GPBP1: variants seen among roughly 807,000 people sequenced by gnomAD.
GPBP1 encodes the protein vasculin.
In GPBP1, 13 loss-of-function variants were observed where a neutral mutation model predicts 56.5. The observed-to-expected ratio is 0.23, with a 90% CI of 0.15 to 0.37. The LOEUF is 0.37. Ranked by LOEUF, GPBP1 falls within the 10% of genes least tolerant of loss-of-function variation. The pLI, the probability that GPBP1 is intolerant of heterozygous loss-of-function variation, is 1.00. For missense variants in GPBP1, 477 were observed against 572.3 expected, an observed-to-expected ratio of 0.83 and a Z score of 1.70; for synonymous variants, 204 against 188.9, an observed-to-expected ratio of 1.08 and a Z score of -0.66.
chr5:57,248,458 C>T (rs1321113786), intron 8 of GPBP1, among the ~76,000 whole-genome samples: 3 of 131,598 alleles, frequency 2.3e-5, no homozygotes, highest in African/African-American at 8.6e-5. Context: ...GACGGAGTCT[C>T]GCTCTGTCGC....
At chr5:57,251,188 A>T in intron 10 of GPBP1, 47 bp downstream of exon 10, 1 of 1,448,564 alleles carries the variant, frequency 6.9e-7, no homozygotes, top group Non-Finnish European at 9.4e-7. Flanking sequence ...TGTATTCGAG[A>T]TTTCAATATT....
intron 2 of GPBP1, among the ~76,000 whole-genome samples, chr5:57,187,237 C>T (rs368306140): frequency 1.3e-5 from 2 of 152,056 alleles, no homozygotes; most frequent in African/African-American, 4.8e-5. Flanking sequence ...ATCTTGAATT[C>T]GTATGTCAAT....
In GPBP1 at chr5:57,256,185, G is replaced by A. The variant is rs572451782; in HGVS notation, c.1161-4995G>A. Among the ~76,000 whole-genome samples the A allele has an allele frequency of 1.4e-3, 212 of 152,228 alleles. 1 individual carries two copies. The highest frequency in any genetic ancestry group is 1.2e-3 in the Non-Finnish European group (83 of 68,014). On this transcript the variant is annotated intron_variant, in intron 10 of 11. Transcript: ENST00000506184. The stretch of plus-strand genomic sequence containing the variant: ...GCACAAGAATCTCTGGAACCTAGGA[G>A]GTGAGGTGGCAGTGAGCTGAGATCG...
At chr5:57,247,016 T>C in intron 7 of GPBP1, 59 bp from the exon 8 acceptor site, 1 of 1,505,564 alleles carries the variant, frequency 6.6e-7, no homozygotes, top group South Asian at 1.2e-5. Context: ...TTCACTGTTT[T>C]TGTCTTTCTC....
At chr5:57,207,449 C>G (rs1755278813) in intron 2 of GPBP1, among the ~76,000 whole-genome samples, 2 of 152,060 alleles carry the variant, frequency 1.3e-5, no homozygotes, top group African/African-American at 4.8e-5. Flanking sequence ...GGAGAGCATG[C>G]AGACAGGGCA....
At chr5:57,261,721 T>C (rs1741904051) in intron 11 of GPBP1, among the ~76,000 whole-genome samples, 1 of 152,188 alleles carries the variant, frequency 6.6e-6, no homozygotes, top group African/African-American at 2.4e-5. Context: ...GTAGAGAGTG[T>C]TAGTAGCTTC....
intron 6 of GPBP1, among the ~76,000 whole-genome samples, chr5:57,241,437 A>G (rs989058084): frequency 6.6e-6 from 1 of 152,156 alleles, no homozygotes; most frequent in Non-Finnish European, 1.5e-5. Context: ...TTTAAAGTCA[A>G]TTATAGGGCC....
chr5:57,250,804 C>A, intron 9 of GPBP1, 150 bp from the exon 10 acceptor site: 1 of 550,580 alleles, frequency 1.8e-6, no homozygotes. Context: ...CTTGGCCTTC[C>A]AAAGTGCTGG....
intron 2 of GPBP1, among the ~76,000 whole-genome samples, chr5:57,190,817 C>T (rs893140569): frequency 2.0e-5 from 3 of 150,154 alleles, no homozygotes; most frequent in South Asian, 2.1e-4. Flanking sequence ...AGCAATCTTC[C>T]GGCCTCAGCC....
chr5:57,238,472 C>T (rs1407512412), intron 6 of GPBP1, among the ~76,000 whole-genome samples: 2 of 152,082 alleles, frequency 1.3e-5, no homozygotes, highest in Non-Finnish European at 2.9e-5. Flanking sequence ...GCAGGAGAAT[C>T]GCTTGAACCT....
At chr5:57,178,922 T>TATAG (rs1753916481) in intron 2 of GPBP1, among the ~76,000 whole-genome samples, 2 of 152,194 alleles carry the variant, frequency 1.3e-5, no homozygotes, top group South Asian at 4.1e-4. Flanking sequence ...GGCTAACATT[T>TATAG]ATAGATGATG....
intron 6 of GPBP1, among the ~76,000 whole-genome samples, chr5:57,236,696 T>A (rs1756677101): frequency 6.6e-6 from 1 of 152,172 alleles, no homozygotes; most frequent in African/African-American, 2.4e-5. Flanking sequence ...ACAGCTTTTT[T>A]AAAGATTCAA....
At chr5:57,245,176 C>T (rs1211341565) in intron 6 of GPBP1, among the ~76,000 whole-genome samples, 3 of 152,164 alleles carry the variant, frequency 2.0e-5, no homozygotes, top group African/African-American at 4.8e-5. Context: ...TTTTTTTAGA[C>T]CGTCAGGAAG....
chr5:57,192,753 C>CAAAAA (rs70999061), intron 2 of GPBP1, among the ~76,000 whole-genome samples: 56 of 103,042 alleles, frequency 5.4e-4, no homozygotes, highest in African/African-American at 1.4e-3. Flanking sequence ...AACTCCGTCT[C>CAAAAA]AAAAAAAAAA....
intron 6 of GPBP1, among the ~76,000 whole-genome samples, chr5:57,238,691 A>T (rs185394378): frequency 6.6e-6 from 1 of 152,348 alleles, no homozygotes; most frequent in Non-Finnish European, 1.5e-5. Flanking sequence ...TTTACTTAAG[A>T]TATTAAAAAA....
chr5:57,207,783 G>C (rs977703650), intron 2 of GPBP1, among the ~76,000 whole-genome samples: 2 of 152,112 alleles, frequency 1.3e-5, no homozygotes, highest in African/African-American at 4.8e-5. Context: ...AGTGACCTGG[G>C]CTCTCCTCTG....
chr5:57,254,168 C>T (rs1741526501), intron 10 of GPBP1, among the ~76,000 whole-genome samples: 2 of 152,212 alleles, frequency 1.3e-5, no homozygotes, highest in African/African-American at 4.8e-5. Context: ...TCAAGCGATC[C>T]TCCTGCCTTG....
At chr5:57,200,175 T>C (rs831651) in intron 2 of GPBP1, among the ~76,000 whole-genome samples, 101,792 of 139,400 alleles carry the variant, frequency 0.73, 37,542 homozygotes, top group African/African-American at 0.78. Context: ...CCTTCCTCTC[T>C]TTCCTTTTCT....
intron 3 of GPBP1, chr5:57,230,577 T>C: frequency 2.6e-6 from 1 of 391,700 alleles, no homozygotes. Flanking sequence ...TTAACTTGTT[T>C]TCCATACAGT....
Sources: allele counts gnomAD v4.1 joint callset (sites outside exome capture counted in the v4.1 genomes callset), GRCh38; gene constraint gnomAD v4.1.1; transcripts MANE v1.5; gene names NCBI Gene and HGNC (gene_info 2026-07-23, HGNC 2026-07-21).